The following CBY1 variants were observed in gnomAD, a reference collection of about 807,000 sequenced individuals.
CBY1 encodes chibby 1, beta catenin antagonist, also known as protein chibby homolog 1.
A neutral mutation model predicts 15.6 loss-of-function variants in CBY1; 10 were observed. The observed-to-expected ratio is 0.64, with a 90% CI of 0.40 to 1.09. The LOEUF (loss-of-function observed/expected upper bound fraction) is 1.09. CBY1 is among the 50% of genes least tolerant of loss of function. The probability of loss-of-function intolerance (pLI) is 0.01; values close to 1 mark genes in which losing one functional copy is unlikely to be tolerated. For synonymous variants in CBY1, 61 were observed against 63.5 expected, an observed-to-expected ratio of 0.96 and a Z score of 0.19; for missense variants, 150 against 160.5, an observed-to-expected ratio of 0.93 and a Z score of 0.35.
At chr22:38,670,847 G>T in intron 2 of CBY1, 37 bp from the exon 3 acceptor site, 1 of 1,433,684 alleles carries the variant, frequency 7.0e-7, no homozygotes, top group Non-Finnish European at 9.8e-7. Flanking sequence ...GCGTGTTCCG[G>T]GCCTGCTGAA....
At chr22:38,659,244 G>T (rs1056839283) in intron 1 of CBY1, among the ~76,000 whole-genome samples, 8 of 150,278 alleles carry the variant, frequency 5.3e-5, no homozygotes, top group South Asian at 2.1e-4. Flanking sequence ...CCTACAATTG[G>T]TTTTTTTTGT....
chr22:38,667,902 A>G (rs2145784964), intron 1 of CBY1, 115 bp from the exon 2 acceptor site: 1 of 624,360 alleles, frequency 1.6e-6, no homozygotes, highest in African/African-American at 1.8e-5. Context: ...CATTCAAACC[A>G]TAGCACCAGG....
intron 1 of CBY1, among the ~76,000 whole-genome samples, chr22:38,658,247 T>G (rs1212918389): frequency 1.3e-5 from 2 of 151,952 alleles, no homozygotes; most frequent in Non-Finnish European, 2.9e-5. Flanking sequence ...TGCCTCAGCC[T>G]CCTGAGTATC....
chr22:38,660,577 C>G (rs2092419309), intron 1 of CBY1, among the ~76,000 whole-genome samples: 1 of 151,900 alleles, frequency 6.6e-6, no homozygotes, highest in African/African-American at 2.4e-5. Context: ...CACACACACA[C>G]CATATGTATA....
intron 1 of CBY1, among the ~76,000 whole-genome samples, chr22:38,662,025 G>C (rs894506542): frequency 2.0e-5 from 3 of 152,000 alleles, no homozygotes; most frequent in Non-Finnish European, 4.4e-5. Flanking sequence ...ATATAGGCCA[G>C]GCGTGGTGGC....
intron 1 of CBY1, among the ~76,000 whole-genome samples, chr22:38,663,697 CAAAAAAA>C (rs35974746): frequency 9.2e-5 from 7 of 76,458 alleles, no homozygotes; most frequent in Non-Finnish European, 1.8e-4. Flanking sequence ...ACTCTGTCTC[CAAAAAAA>C]AAAAAAAAAA....
chr22:38,660,219 G>C (rs577213606), intron 1 of CBY1, among the ~76,000 whole-genome samples: 41 of 151,528 alleles, frequency 2.7e-4, no homozygotes, highest in Admixed American at 1.8e-3. Context: ...TTTTGAGATG[G>C]AGTGTTGCTC....
intron 1 of CBY1, among the ~76,000 whole-genome samples, chr22:38,661,447 A>G (rs1413577240): frequency 6.6e-6 from 1 of 152,230 alleles, no homozygotes; most frequent in Admixed American, 6.5e-5. Flanking sequence ...AAGTGCTGGG[A>G]TTACAGGCGT....
intron 4 of CBY1, among the ~76,000 whole-genome samples, chr22:38,672,697 C>A (rs1401835770): frequency 6.6e-6 from 1 of 151,880 alleles, no homozygotes; most frequent in Non-Finnish European, 1.5e-5. Flanking sequence ...CCAGCCTGGC[C>A]GACAGAGCGA....
chr22:38,667,554 G>T (rs1323622281), intron 1 of CBY1: 3 of 154,618 alleles, frequency 1.9e-5, no homozygotes, highest in Non-Finnish European at 4.3e-5. Flanking sequence ...AATCCATTTT[G>T]TGCTGCTGTT....
chr22:38,665,280 T>G (rs2092432825), intron 1 of CBY1, among the ~76,000 whole-genome samples: 1 of 152,072 alleles, frequency 6.6e-6, no homozygotes, highest in Non-Finnish European at 1.5e-5. Flanking sequence ...CTAGGCAACA[T>G]GACGAAACTC....
chr22:38,668,996 G>A (rs1041167324), intron 2 of CBY1, among the ~76,000 whole-genome samples: 2 of 152,104 alleles, frequency 1.3e-5, no homozygotes, highest in Admixed American at 6.6e-5. Flanking sequence ...TACACCTGGC[G>A]GTCCCTCTAG....
chr22:38,669,203 T>C (rs931871502), intron 2 of CBY1, among the ~76,000 whole-genome samples: 1 of 152,142 alleles, frequency 6.6e-6, no homozygotes, highest in Non-Finnish European at 1.5e-5. Context: ...TTCCCCGTTA[T>C]TACAGGATAA....
At chr22:38,669,619 G>A (rs1416867591) in intron 2 of CBY1, 1 of 152,270 alleles carries the variant, frequency 6.6e-6, no homozygotes, top group South Asian at 2.1e-4. Context: ...GAGCACTGGG[G>A]ACTGAGCTTT....
intron 4 of CBY1, among the ~76,000 whole-genome samples, chr22:38,672,218 C>T (rs1421105313): frequency 8.7e-5 from 13 of 150,212 alleles, no homozygotes; most frequent in Non-Finnish European, 1.5e-4. Flanking sequence ...GCTGAGATCG[C>T]GCCACTGTAC....
Position 38,673,254 on chromosome 22 carries a change from A to G in CBY1, c.*18A>G, listed in dbSNP as rs1465150976. 21 of 1,545,818 alleles carry G rather than the reference A, an allele frequency of 1.4e-5. No homozygotes were observed. The highest frequency in any genetic ancestry group is 1.9e-5 in the Non-Finnish European group (21 of 1,118,294). On this transcript the variant is annotated 3_prime_UTR_variant, in exon 5 of 5. Coordinates refer to ENST00000216029, the MANE Select transcript of CBY1 (RefSeq NM_015373.4). The stretch of plus-strand genomic sequence containing the variant: ...GAAAATGAAGACCCCAGAGACATTT[A>G]TTGGGGAGTAGGATGTGGCTGAGTG...
intron 4 of CBY1, among the ~76,000 whole-genome samples, chr22:38,672,378 T>C (rs2092455344): frequency 6.6e-6 from 1 of 152,000 alleles, no homozygotes; most frequent in South Asian, 2.1e-4. Flanking sequence ...TGGAGTACAG[T>C]GGCATGATCT....
At chr22:38,671,248 A>G in intron 4 of CBY1, 60 bp downstream of exon 4, 1 of 1,262,102 alleles carries the variant, frequency 7.9e-7, no homozygotes, top group Non-Finnish European at 1.2e-6. Flanking sequence ...CTCCACCTCG[A>G]GTCACTTAAT....
chr22:38,671,377 T>C (rs1555983470), intron 4 of CBY1, 189 bp downstream of exon 4: 1 of 588,054 alleles, frequency 1.7e-6, no homozygotes, highest in Non-Finnish European at 3.0e-6. Context: ...GGACCGACCG[T>C]AAGCATAATT....
Sources: gnomAD v4.1 joint callset for allele counts (sites outside exome capture counted in the v4.1 genomes callset) on GRCh38, gnomAD v4.1.1 for gene constraint, MANE v1.5 for transcripts, NCBI Gene and HGNC (gene_info 2026-07-23, HGNC 2026-07-21) for gene names.